Variants in RXFP2 observed in about 807,000 individuals in gnomAD.
RXFP2 encodes relaxin receptor 2.
A neutral mutation model predicts 88.6 loss-of-function variants in RXFP2; 68 were observed. That is an observed-to-expected ratio of 0.77 (90% CI 0.63 to 0.94). The LOEUF (loss-of-function observed/expected upper bound fraction) is 0.94, where lower values mean the gene tolerates loss of function less well. Among genes scored for constraint, RXFP2 ranks in the 40% least tolerant of loss-of-function variants. RXFP2 has a pLI of 0.00. For missense variants in RXFP2, 791 were observed against 893.9 expected, an observed-to-expected ratio of 0.88 and a Z score of 1.47; for synonymous variants, 329 against 306.8, an observed-to-expected ratio of 1.07 and a Z score of -0.76.
At chr13:31,740,650 A>T (rs1871194773) in intron 1 of RXFP2, among the ~76,000 whole-genome samples, 2 of 152,040 alleles carry the variant, frequency 1.3e-5, no homozygotes, top group Admixed American at 6.5e-5. Flanking sequence ...TAAAACTTCT[A>T]ACAAACAAAA....
intron 5 of RXFP2, among the ~76,000 whole-genome samples, chr13:31,773,336 A>C (rs1872802863): frequency 6.6e-6 from 1 of 152,212 alleles, no homozygotes; most frequent in Non-Finnish European, 1.5e-5. Flanking sequence ...CACTTGGCAC[A>C]TGGAGGAACA....
intron 1 of RXFP2, among the ~76,000 whole-genome samples, chr13:31,741,890 C>T (rs1871235397): frequency 2.0e-5 from 3 of 151,840 alleles, no homozygotes; most frequent in Admixed American, 6.6e-5. Flanking sequence ...ATTGAGACTG[C>T]TACTTGGTAA....
chr13:31,754,739 A>C (rs912203845), intron 1 of RXFP2, among the ~76,000 whole-genome samples: 2 of 152,216 alleles, frequency 1.3e-5, no homozygotes, highest in African/African-American at 4.8e-5. Flanking sequence ...TTTATCATTT[A>C]CAGTCCTCCT....
chr13:31,782,890 A>G (rs1456791048), intron 11 of RXFP2, 143 bp downstream of exon 11: 1 of 646,822 alleles, frequency 1.5e-6, no homozygotes, highest in Non-Finnish European at 2.8e-6. Context: ...GAAAACCAAC[A>G]TTATCCTGAA....
Position 31,766,027 on chromosome 13 carries a change from T to C in RXFP2, c.497T>C (p.Ile166Thr), listed in dbSNP as rs148041000. ...ATCAAATACACAAAACTTAAAAAGA[T>C]GTAAGTAGCCGTTAATAGCATATTT... is the stretch of plus-strand genomic sequence containing the variant. Reference protein sequence around the residue: ...VFIKYTKLKKIFLQHNCIRHI... With the variant: ...VFIKYTKLKKTFLQHNCIRHI... The change falls in exon 5 of 18, where the codon ATA becomes ACA. Residue 166 changes from isoleucine to threonine, a missense_variant and splice_region_variant. Transcript: ENST00000298386. 38 of 1,465,736 alleles carry C rather than the reference T, an allele frequency of 2.6e-5. No individual in the cohort carries two copies. The African/African-American group carries it at 5.1e-4, about 20-fold the overall frequency. The allele number at this position is 1,465,736 out of a possible 1,614,324, so 90.8% of individuals were successfully genotyped here. A position where few individuals can be genotyped will look rare whatever the true frequency, so the allele number is the denominator to read the frequency against.
chr13:31,743,112 C>T (rs8002703), intron 1 of RXFP2, among the ~76,000 whole-genome samples: 12 of 152,000 alleles, frequency 7.9e-5, no homozygotes, highest in African/African-American at 2.4e-4. Context: ...TGCTCCGAAG[C>T]GAAAATAAAA....
In RXFP2 at chr13:31,802,842, A is replaced by G. The variant is rs956540462; in HGVS notation, c.*437A>G. On this transcript the variant is annotated 3_prime_UTR_variant, in exon 18 of 18. Transcript: ENST00000298386. ...TCTTTCCTTGCCTTTTCAATATCAA[A>G]TAAAACCATCAGCATCCTGCTGGAT... 7 of 174,936 alleles carry G rather than the reference A, an allele frequency of 4.0e-5. No individual in the cohort carries two copies. Among genetic ancestry groups the G allele is most frequent in the African/African-American group, 1.7e-4 (7 of 41,886 alleles). The allele number at this position is 174,936 out of a possible 1,614,324, so 10.8% of individuals were successfully genotyped here.
In RXFP2 at chr13:31,750,401, T is replaced by C. The variant is rs1035120410; in HGVS notation, c.95-7857T>C. On this transcript the variant is annotated intron_variant, in intron 1 of 17. Transcript: ENST00000298386. ...ACTAAAATACTACTTTTCTAATAAA[T>C]CAATGTTAAAATATATGGTAACTCA... Among the ~76,000 whole-genome samples the C allele has an allele frequency of 3.9e-4, 59 of 152,300 alleles. No homozygotes were observed. In the Middle Eastern group the frequency reaches 0.014, roughly 35 times the overall value.
intron 1 of RXFP2, among the ~76,000 whole-genome samples, chr13:31,747,882 A>G (rs1871491336): frequency 6.6e-6 from 1 of 152,206 alleles, no homozygotes; most frequent in South Asian, 2.1e-4. Context: ...GACTTCTGAG[A>G]TGATCATCAA....
chr13:31,756,788 T>C (rs539346647), intron 1 of RXFP2, among the ~76,000 whole-genome samples: 2 of 152,118 alleles, frequency 1.3e-5, no homozygotes, highest in South Asian at 2.1e-4. Flanking sequence ...GCCTGACTAA[T>C]TTTTGTATTT....
At position 31,797,402 on chromosome 13, in the gene RXFP2, TC is replaced by T. The variant is rs1281996326; in HGVS notation, c.1990del (p.Arg664GlyfsTer8). 3.1e-6 allele frequency: 5 copies of T among 1,613,670 alleles called. No homozygotes were observed. In the East Asian group the frequency reaches 1.1e-4, roughly 36 times the overall value. On this transcript the variant is annotated frameshift_variant, in exon 17 of 18. Coordinates refer to ENST00000298386, the MANE Select transcript of RXFP2 (RefSeq NM_130806.5). LOFTEE classifies it high-confidence loss of function. ...PVFVVKILSL[F>X]RVEIPDTMTS... ...TTTGTAGTTAAAATCCTTTCCCTCT[TC>T]CGGGTGGAAATACCAGGTCAGTCTC...
intron 1 of RXFP2, among the ~76,000 whole-genome samples, chr13:31,740,859 G>C (rs1871203163): frequency 6.6e-6 from 1 of 151,964 alleles, no homozygotes; most frequent in South Asian, 2.1e-4. Context: ...CAGTACAGTT[G>C]CAACAAGCAG....
intron 3 of RXFP2, among the ~76,000 whole-genome samples, chr13:31,763,622 TAG>T (rs1872405526): frequency 6.6e-6 from 1 of 152,040 alleles, no homozygotes; most frequent in Admixed American, 6.6e-5. Context: ...AAGATTGAGG[TAG>T]AGAGAGATGC....
chr13:31,787,060 A>T (rs916928191), intron 13 of RXFP2, among the ~76,000 whole-genome samples: 4 of 152,252 alleles, frequency 2.6e-5, no homozygotes, highest in Admixed American at 6.5e-5. Context: ...ATAAGTTTTT[A>T]AAAAACTGTC....
In RXFP2 at chr13:31,786,378, A is replaced by C; in HGVS notation, c.930-5A>C. On this transcript the variant is annotated splice_polypyrimidine_tract_variant and splice_region_variant and intron_variant, in intron 11 of 17. Transcript: ENST00000298386. ...ATTGCTTTGGGTTTTCATTGTCGTC[A>C]ACAGGGATCTGTCTAGCAATACGAT... 6.3e-7 allele frequency: 1 copy of C among 1,595,908 alleles called. No individual in the cohort carries two copies. Among genetic ancestry groups the C allele is most frequent in the Admixed American group, 1.7e-5 (1 of 60,000 alleles).
chr13:31,766,402 G>C (rs954670387), intron 5 of RXFP2, among the ~76,000 whole-genome samples: 1 of 152,082 alleles, frequency 6.6e-6, no homozygotes, highest in African/African-American at 2.4e-5. Context: ...GATCATTTCA[G>C]ATACATAATG....
chr13:31,798,914 T>G (rs1593475025), intron 17 of RXFP2, among the ~76,000 whole-genome samples: 1 of 152,168 alleles, frequency 6.6e-6, no homozygotes, highest in East Asian at 1.9e-4. Flanking sequence ...CGATCTCTTC[T>G]CACCCCACTT....
intron 1 of RXFP2, among the ~76,000 whole-genome samples, chr13:31,753,392 G>A (rs1871764145): frequency 6.6e-6 from 1 of 152,096 alleles, no homozygotes; most frequent in South Asian, 2.1e-4. Context: ...TTGACCAGAA[G>A]ACAGAAGAAG....
At chr13:31,753,450 C>A (rs1292697493) in intron 1 of RXFP2, among the ~76,000 whole-genome samples, 1 of 152,170 alleles carries the variant, frequency 6.6e-6, no homozygotes, top group Non-Finnish European at 1.5e-5. Context: ...CTCCTCTCAG[C>A]TGTGTGTTTG....
Sources: gnomAD v4.1 joint callset for allele counts (sites outside exome capture counted in the v4.1 genomes callset) on GRCh38, gnomAD v4.1.1 for gene constraint, MANE v1.5 for transcripts, NCBI Gene and HGNC (gene_info 2026-07-23, HGNC 2026-07-21) for gene names.